TRAPPC11: variants seen among roughly 807,000 people sequenced by gnomAD.
TRAPPC11 encodes the protein foie gras homolog.
TRAPPC11 carries 104 observed loss-of-function variants against 151.2 expected under a neutral mutation model. The ratio of observed to expected loss-of-function variants is 0.69; its 90% CI spans 0.59 to 0.81. The LOEUF (loss-of-function observed/expected upper bound fraction) is 0.81, where lower values mean the gene tolerates loss of function less well. Among genes scored for constraint, TRAPPC11 ranks in the 30% least tolerant of loss-of-function variants. TRAPPC11 has a pLI of 0.00. For synonymous variants in TRAPPC11, 456 were observed against 472.3 expected (o/e 0.97, Z 0.45); for missense variants, 1,230 against 1,349.6 (o/e 0.91, Z 1.39).
Position 183,712,786 on chromosome 4 carries a change from G to A in TRAPPC11, c.*142G>A. ...TGGATGTTATACCAACTATTCAGAG[G>A]AACTCATACTTCAAAAATATTAGGA... On this transcript the variant is annotated 3_prime_UTR_variant, in exon 30 of 30. Transcript: ENST00000334690. 1 of 651,730 alleles carries A rather than the reference G, an allele frequency of 1.5e-6. No homozygotes were observed. The highest frequency in any genetic ancestry group is 2.8e-5 in the East Asian group (1 of 35,798). 40.4% of individuals were successfully genotyped at this position (651,730 alleles called of 1,614,324 possible).
intron 26 of TRAPPC11, among the ~76,000 whole-genome samples, chr4:183,702,342 TAAA>T (rs761830872): frequency 1.6e-5 from 2 of 125,454 alleles, no homozygotes; most frequent in Admixed American, 8.3e-5. Flanking sequence ...AGACCCTGTT[TAAA>T]AAAAAAAAAA....
At position 183,708,960 on chromosome 4, in the gene TRAPPC11, G is replaced by A. The variant is rs144832101; in HGVS notation, c.3357+386G>A. Among the ~76,000 whole-genome samples, 367 of 151,658 alleles carry A rather than the reference G, an allele frequency of 2.4e-3. 1 individual carries two copies. The highest frequency in any genetic ancestry group is 8.4e-3 in the African/African-American group (348 of 41,276). On this transcript the variant is annotated intron_variant, in intron 29 of 29. Coordinates refer to ENST00000334690, the MANE Select transcript of TRAPPC11 (RefSeq NM_021942.6). ...TTAGATTTAGCTCTCTTCTGAAAATGATCATCTCTCAGAAACTATACTCTG... is the reference window on the plus strand; with the variant it reads ...TTAGATTTAGCTCTCTTCTGAAAATAATCATCTCTCAGAAACTATACTCTG...
Position 183,675,208 on chromosome 4 carries a change from GT to G in TRAPPC11, c.707del (p.Leu236Ter), listed in dbSNP as rs1354865217. 1.3e-6 allele frequency: 2 copies of G among 1,543,164 alleles called. No homozygotes were observed. The highest frequency in any genetic ancestry group is 2.6e-5 in the South Asian group (2 of 76,444). On this transcript the variant is annotated frameshift_variant, in exon 7 of 30. Transcript: ENST00000334690. LOFTEE classifies it high-confidence loss of function. ...HQFKIAFFSE[L>X]KQDTQNALKN... ...AGTTCAAAATAGCTTTCTTCAGTGA[GT>G]TGAAACAAGATACACAAAATGCGCT...
chr4:183,687,371 G>A (rs1225105303), intron 18 of TRAPPC11, among the ~76,000 whole-genome samples: 2 of 150,910 alleles, frequency 1.3e-5, no homozygotes, highest in East Asian at 1.9e-4. Context: ...ACGGGGTCTC[G>A]CTCTGTTGCC....
intron 18 of TRAPPC11, among the ~76,000 whole-genome samples, chr4:183,689,343 G>C (rs1039270276): frequency 6.6e-6 from 1 of 151,784 alleles, no homozygotes; most frequent in African/African-American, 2.4e-5. Context: ...TGCTTGAATT[G>C]GTTTGCCCTC....
At chr4:183,691,004 C>A (rs943717136) in intron 18 of TRAPPC11, among the ~76,000 whole-genome samples, 2 of 151,762 alleles carry the variant, frequency 1.3e-5, no homozygotes, top group African/African-American at 4.8e-5. Flanking sequence ...TCACAGAAGC[C>A]AAGTAAAAAA....
intron 5 of TRAPPC11, among the ~76,000 whole-genome samples, chr4:183,672,641 G>A (rs1430974724): frequency 1.3e-5 from 2 of 152,180 alleles, no homozygotes; most frequent in African/African-American, 4.8e-5. Context: ...GCCTGTTACG[G>A]TTAAAGCGAG....
intron 19 of TRAPPC11, 76 bp from the exon 20 acceptor site, chr4:183,692,884 A>G (rs1050471910): frequency 2.2e-6 from 3 of 1,361,614 alleles, no homozygotes; most frequent in African/African-American, 1.5e-5. Context: ...GCAGTCGACG[A>G]TGTAATTTTG....
At chr4:183,680,758 T>C (rs1735642013) in intron 10 of TRAPPC11, among the ~76,000 whole-genome samples, 1 of 143,314 alleles carries the variant, frequency 7.0e-6, no homozygotes, top group Admixed American at 7.4e-5. Flanking sequence ...AGTCTCGGCT[T>C]ACTGCATCCT....
In TRAPPC11 at chr4:183,697,810, C is replaced by T. The variant is rs775266023; in HGVS notation, c.2826C>T (p.Asp942=). 1.9e-5 allele frequency: 30 copies of T among 1,613,700 alleles called. No homozygotes were observed. The highest frequency in any genetic ancestry group is 2.3e-5 in the Non-Finnish European group (27 of 1,180,004). The part of the protein sequence containing the change: ...LQLAPSMTTV[D]QLESQVDNVI... ...TTGCTCCATCCATGACCACAGTGGACCAGCTCGAGTCTCAAGTGGACAATG... is the reference window on the plus strand; with the variant it reads ...TTGCTCCATCCATGACCACAGTGGATCAGCTCGAGTCTCAAGTGGACAATG... The change falls in exon 25 of 30, where the codon GAC becomes GAT. Residue 942 remains aspartate (D), a synonymous_variant. Coordinates refer to ENST00000334690, the MANE Select transcript of TRAPPC11 (RefSeq NM_021942.6).
At chr4:183,683,906 A>G (rs750297173) in intron 11 of TRAPPC11, 69 bp from the exon 12 acceptor site, 1 of 1,240,822 alleles carries the variant, frequency 8.1e-7, no homozygotes, top group South Asian at 1.2e-5. Flanking sequence ...GAGTGTACAC[A>G]TACAACGTTC....
At chr4:183,664,122 G>C in intron 2 of TRAPPC11, 51 bp downstream of exon 2, 1 of 1,470,816 alleles carries the variant, frequency 6.8e-7, no homozygotes, top group Non-Finnish European at 9.4e-7. Context: ...CTCTATGTGT[G>C]TGTGTGTGTC....
At chr4:183,684,387 C>A in intron 14 of TRAPPC11, 28 bp downstream of exon 14, 1 of 1,590,652 alleles carries the variant, frequency 6.3e-7, no homozygotes. Context: ...TTTACTTTTA[C>A]AAGTATTTGG....
At position 183,666,299 on chromosome 4, in the gene TRAPPC11, A is replaced by T; in HGVS notation, c.247A>T (p.Thr83Ser). Residue 83 changes from threonine to serine, a missense_variant, in exon 3 of 30, where the codon ACT (threonine) becomes TCT (serine). Coordinates refer to ENST00000334690, the MANE Select transcript of TRAPPC11 (RefSeq NM_021942.6). ...EWYIPKGILK[T>S]GWMNKHLNLV... The stretch of plus-strand genomic sequence containing the variant: ...GTACATTCCTAAAGGGATCTTAAAG[A>T]CTGGCTGGATGAATAAGCATCTGAA... 1.2e-6 allele frequency: 2 copies of T among 1,614,188 alleles called. No individual in the cohort carries two copies. Among genetic ancestry groups the T allele is most frequent in the Non-Finnish European group, 1.7e-6 (2 of 1,180,016 alleles).
At chr4:183,679,729 A>G (rs891910464) in intron 9 of TRAPPC11, among the ~76,000 whole-genome samples, 2 of 152,170 alleles carry the variant, frequency 1.3e-5, no homozygotes, top group African/African-American at 4.8e-5. Context: ...AGTCTCTACC[A>G]TATGTCTAGG....
chr4:183,689,376 C>T (rs946849538), intron 18 of TRAPPC11, among the ~76,000 whole-genome samples: 9 of 152,002 alleles, frequency 5.9e-5, no homozygotes, highest in African/African-American at 1.9e-4. Flanking sequence ...TTCATTCCTT[C>T]TTGCCTTTTC....
chr4:183,679,381 C>A lies in TRAPPC11; in HGVS notation c.860C>A (p.Thr287Asn). Residue 287 changes from threonine (T) to asparagine (N), a missense_variant, in exon 9 of 30, where the codon ACC becomes AAC. Thr to Asn is a moderately conservative substitution (Grantham distance 65). Transcript: ENST00000334690. The stretch of plus-strand genomic sequence containing the variant: ...TGTAGGCTGTGTTTTCAACACAACA[C>A]CCCATTGGATGCAATTGCTCAGTTC... Reference protein sequence around the residue: ...KICRLCFQHNTPLDAIAQFRK... With the variant: ...KICRLCFQHNNPLDAIAQFRK... 1 of 1,611,422 alleles carries A rather than the reference C, an allele frequency of 6.2e-7. No individual in the cohort carries two copies. Among genetic ancestry groups the A allele is most frequent in the Non-Finnish European group, 8.5e-7 (1 of 1,178,890 alleles).
At chr4:183,699,647 T>TA (rs1736706260) in intron 25 of TRAPPC11, among the ~76,000 whole-genome samples, 1 of 152,196 alleles carries the variant, frequency 6.6e-6, no homozygotes, top group African/African-American at 2.4e-5. Flanking sequence ...TTCTACAGGT[T>TA]AGAAGTCCAA....
At chr4:183,689,524 C>G (rs1025460393) in intron 18 of TRAPPC11, among the ~76,000 whole-genome samples, 4 of 151,916 alleles carry the variant, frequency 2.6e-5, no homozygotes, top group African/African-American at 9.7e-5. Flanking sequence ...TGGTAAATTA[C>G]CTGTTTTTCC....
Sources: gnomAD v4.1 joint callset for allele counts (sites outside exome capture counted in the v4.1 genomes callset) on GRCh38, gnomAD v4.1.1 for gene constraint, MANE v1.5 for transcripts, NCBI Gene and HGNC (gene_info 2026-07-23, HGNC 2026-07-21) for gene names.